Variants in NLGN1 observed in about 807,000 individuals in gnomAD.
NLGN1 encodes the protein neuroligin-1.
NLGN1 carries 12 observed loss-of-function variants against 65.5 expected under a neutral mutation model. The observed-to-expected ratio is 0.18, with a 90% CI of 0.12 to 0.30. The LOEUF (loss-of-function observed/expected upper bound fraction) is 0.30, where lower values mean the gene tolerates loss of function less well. NLGN1 is among the 10% of genes least tolerant of loss of function. NLGN1 has a pLI of 1.00. For synonymous variants in NLGN1, 350 were observed against 359.5 expected (o/e 0.97, Z 0.30); for missense variants, 750 against 1,007.1 (o/e 0.74, Z 3.46).
At chr3:173,918,323 T>C (rs1024420032) in intron 4 of NLGN1, among the ~76,000 whole-genome samples, 4 of 152,050 alleles carry the variant, frequency 2.6e-5, no homozygotes, top group Admixed American at 6.5e-5. Context: ...ACAAAAGGTA[T>C]CAAACACCGG....
intron 4 of NLGN1, among the ~76,000 whole-genome samples, chr3:173,964,203 T>G (rs4273398): frequency 0.95 from 144,403 of 152,222 alleles, 68,587 homozygotes; most frequent in East Asian, 1. Context: ...AGGAAGTCCA[T>G]TGCATAAATC....
chr3:174,142,225 G>T (rs1452980816), intron 4 of NLGN1, among the ~76,000 whole-genome samples: 1 of 152,104 alleles, frequency 6.6e-6, no homozygotes, highest in Non-Finnish European at 1.5e-5. Flanking sequence ...TTTTGTTTTA[G>T]ACATTCATCT....
chr3:174,157,878 C>T (rs1343595057), intron 4 of NLGN1, among the ~76,000 whole-genome samples: 2 of 151,640 alleles, frequency 1.3e-5, no homozygotes, highest in Non-Finnish European at 3.0e-5. Context: ...TTCCTTTCCA[C>T]CCTTAGAACA....
At chr3:173,695,898 C>A (rs1334298434) in intron 3 of NLGN1, among the ~76,000 whole-genome samples, 1 of 152,182 alleles carries the variant, frequency 6.6e-6, no homozygotes, top group African/African-American at 2.4e-5. Flanking sequence ...GCAGCCTCGA[C>A]CTCCTGGGCT....
intron 4 of NLGN1, among the ~76,000 whole-genome samples, chr3:173,921,254 G>A (rs921721384): frequency 6.8e-6 from 1 of 146,412 alleles, no homozygotes; most frequent in African/African-American, 2.5e-5. Context: ...TATATATGTA[G>A]TATATATAAT....
intron 4 of NLGN1, among the ~76,000 whole-genome samples, chr3:174,076,724 AGTGTGTGTGT>A (rs143103332): frequency 3.7e-4 from 30 of 82,114 alleles, no homozygotes; most frequent in South Asian, 1.2e-3. Context: ...AGAGAGAGAG[AGTGTGTGTGT>A]GTGTGTGTGT....
chr3:173,979,570 A>G (rs1718306128), intron 4 of NLGN1, among the ~76,000 whole-genome samples: 1 of 152,140 alleles, frequency 6.6e-6, no homozygotes, highest in Non-Finnish European at 1.5e-5. Flanking sequence ...GAAGACACCA[A>G]TGAGACTGAC....
intron 1 of NLGN1, among the ~76,000 whole-genome samples, chr3:173,413,167 G>T (rs1046701011): frequency 6.6e-6 from 1 of 152,018 alleles, no homozygotes; most frequent in African/African-American, 2.4e-5. Flanking sequence ...TAAGGAAGTC[G>T]GGGATGCAAT....
intron 4 of NLGN1, among the ~76,000 whole-genome samples, chr3:173,929,579 A>T (rs1743667491): frequency 2.7e-5 from 4 of 150,500 alleles, no homozygotes; most frequent in Admixed American, 2.6e-4. Flanking sequence ...TCATTTCCAA[A>T]AAAAAAAAAA....
At position 174,263,761 on chromosome 3, in the gene NLGN1, G is replaced by A. The variant is rs936445046; in HGVS notation, c.647-11554G>A. 2.8e-4 allele frequency among the ~76,000 whole-genome samples: 42 copies of A among 151,796 alleles called. 1 individual carries two copies. The highest frequency in any genetic ancestry group is 4.0e-4 in the Non-Finnish European group (27 of 67,878). Reference sequence around the variant, plus strand: ...CTGGTGATTTTGCTTGTTAGTTGACGCAGTTTCTTCCTAGTCTTGATGGTC... The same window carrying A: ...CTGGTGATTTTGCTTGTTAGTTGACACAGTTTCTTCCTAGTCTTGATGGTC... On this transcript the variant is annotated intron_variant, in intron 4 of 6. Coordinates refer to ENST00000457714, the Ensembl canonical transcript of NLGN1.
At chr3:173,985,361 C>T (rs751991520) in intron 4 of NLGN1, among the ~76,000 whole-genome samples, 1 of 152,168 alleles carries the variant, frequency 6.6e-6, no homozygotes, top group Non-Finnish European at 1.5e-5. Context: ...CTTCTCACTC[C>T]ATCCAGGCAA....
chr3:173,436,656 G>T (rs1718193197), intron 2 of NLGN1, among the ~76,000 whole-genome samples: 1 of 152,136 alleles, frequency 6.6e-6, no homozygotes, highest in African/African-American at 2.4e-5. Flanking sequence ...AGCTAACCTT[G>T]ACTTCTATAA....
At chr3:173,670,188 G>A (rs879605609) in intron 3 of NLGN1, among the ~76,000 whole-genome samples, 1 of 152,126 alleles carries the variant, frequency 6.6e-6, no homozygotes, top group Non-Finnish European at 1.5e-5. Flanking sequence ...GGTGCCTGGT[G>A]CCTTGTTGTG....
intron 2 of NLGN1, among the ~76,000 whole-genome samples, chr3:173,541,933 C>A (rs866184715): frequency 1.3e-5 from 2 of 151,950 alleles, no homozygotes; most frequent in East Asian, 3.9e-4. Flanking sequence ...TTGATGGACC[C>A]TATCAACCAA....
chr3:174,134,389 A>G (rs948373987), intron 4 of NLGN1, among the ~76,000 whole-genome samples: 6 of 152,324 alleles, frequency 3.9e-5, no homozygotes, highest in Admixed American at 2.6e-4. Flanking sequence ...TTTCATGTAC[A>G]TGAAGCAATT....
chr3:173,597,424 A>G (rs918035390), intron 2 of NLGN1, among the ~76,000 whole-genome samples: 5 of 152,308 alleles, frequency 3.3e-5, no homozygotes, highest in Admixed American at 2.6e-4. Flanking sequence ...GTGACCTACA[A>G]TAGTAGCTGT....
chr3:173,799,308 T>A (rs966388199), intron 3 of NLGN1, among the ~76,000 whole-genome samples: 2 of 152,052 alleles, frequency 1.3e-5, no homozygotes, highest in African/African-American at 4.8e-5. Flanking sequence ...CTTGCTTTTT[T>A]ATGTGCTGAG....
chr3:173,935,860 G>A (rs1744979700), intron 4 of NLGN1, among the ~76,000 whole-genome samples: 1 of 151,870 alleles, frequency 6.6e-6, no homozygotes, highest in South Asian at 2.1e-4. Flanking sequence ...AGAAAATATT[G>A]AATTATATCA....
At chr3:174,272,730 T>C (rs1436441603) in intron 4 of NLGN1, among the ~76,000 whole-genome samples, 1 of 151,390 alleles carries the variant, frequency 6.6e-6, no homozygotes, top group Non-Finnish European at 1.5e-5. Flanking sequence ...GAAAGATAGA[T>C]AGATGATAGA....
Sources: gnomAD v4.1 joint callset for allele counts (sites outside exome capture counted in the v4.1 genomes callset) on GRCh38, gnomAD v4.1.1 for gene constraint, MANE v1.5 for transcripts, NCBI Gene and HGNC (gene_info 2026-07-23, HGNC 2026-07-21) for gene names.